Variants in TPD52 observed in about 807,000 individuals in gnomAD.
TPD52 encodes the protein tumor protein D52, also known as prostate and colon associated protein.
In TPD52, 17 loss-of-function variants were observed where a neutral mutation model predicts 31.3. That is an observed-to-expected ratio of 0.54 (90% CI 0.37 to 0.82). TPD52 has a LOEUF of 0.82. Among genes scored for constraint, TPD52 ranks in the 40% least tolerant of loss-of-function variants. TPD52 has a pLI of 0.00. For missense variants in TPD52, 212 were observed against 240.1 expected, an observed-to-expected ratio of 0.88 and a Z score of 0.77; for synonymous variants, 83 against 89.6, an observed-to-expected ratio of 0.93 and a Z score of 0.42.
chr8:80,081,156 CTTTTTTTTTTTTT>C (rs5892705), intron 1 of TPD52, among the ~76,000 whole-genome samples: 5 of 109,376 alleles, frequency 4.6e-5, no homozygotes, highest in South Asian at 6.0e-4. Flanking sequence ...TTTTCTCTCT[CTTTTTTTTTTTTT>C]TTTTTTTTTT....
chr8:80,085,028 A>G (rs1243991776), intron 1 of TPD52, among the ~76,000 whole-genome samples: 2 of 152,280 alleles, frequency 1.3e-5, no homozygotes, highest in African/African-American at 4.8e-5. Flanking sequence ...TGAATTTTAT[A>G]TGGAAAGGTA....
chr8:80,096,178 C>A (rs948105127), intron 1 of TPD52, among the ~76,000 whole-genome samples: 2 of 151,600 alleles, frequency 1.3e-5, no homozygotes, highest in Non-Finnish European at 1.5e-5. Flanking sequence ...ATTGTTTAAG[C>A]CCAGGTGGTC....
At chr8:80,165,163 T>C (rs1371823953) in intron 1 of TPD52, among the ~76,000 whole-genome samples, 1 of 152,136 alleles carries the variant, frequency 6.6e-6, no homozygotes. Context: ...AGACTTATAC[T>C]GAGAAACCAT....
At chr8:80,041,143 G>C (rs1297842349) in intron 7 of TPD52, among the ~76,000 whole-genome samples, 1 of 152,158 alleles carries the variant, frequency 6.6e-6, no homozygotes, top group Non-Finnish European at 1.5e-5. Flanking sequence ...CGCCTGTCAG[G>C]GGGTGGGATG....
chr8:80,137,264 TGTG>T (rs1357777406), intron 1 of TPD52, among the ~76,000 whole-genome samples: 4 of 152,206 alleles, frequency 2.6e-5, no homozygotes, highest in Non-Finnish European at 4.4e-5. Context: ...AAAATTAGAT[TGTG>T]GTGATCACTG....
chr8:80,076,416 C>G (rs1483508782), intron 1 of TPD52, among the ~76,000 whole-genome samples: 1 of 152,148 alleles, frequency 6.6e-6, no homozygotes, highest in Non-Finnish European at 1.5e-5. Flanking sequence ...GAAAACCAAA[C>G]AGGGCACCTT....
chr8:80,089,020 C>G (rs1396273735), intron 1 of TPD52, among the ~76,000 whole-genome samples: 1 of 152,138 alleles, frequency 6.6e-6, no homozygotes, highest in Non-Finnish European at 1.5e-5. Context: ...GGAAGCAAGC[C>G]CATGCCAGAA....
chr8:80,106,835 A>C (rs4740108), intron 1 of TPD52, among the ~76,000 whole-genome samples: 16 of 136,420 alleles, frequency 1.2e-4, no homozygotes, highest in Admixed American at 3.0e-4. Context: ...GCAAAAAAAA[A>C]CCCCAAAAAA....
chr8:80,154,748 CACACAA>C (rs1465008515), intron 1 of TPD52, among the ~76,000 whole-genome samples: 11 of 62,142 alleles, frequency 1.8e-4, no homozygotes, highest in African/African-American at 3.6e-4. Flanking sequence ...CACACACACA[CACACAA>C]AACACCTACA....
intron 1 of TPD52, among the ~76,000 whole-genome samples, chr8:80,153,544 A>G (rs1810728651): frequency 1.3e-5 from 2 of 152,266 alleles, no homozygotes; most frequent in Non-Finnish European, 1.5e-5. Context: ...CACTGGCATC[A>G]TAACATTCTA....
intron 1 of TPD52, among the ~76,000 whole-genome samples, chr8:80,154,739 ACACACACACAC>A (rs1563666347): frequency 3.0e-4 from 42 of 137,828 alleles, no homozygotes; most frequent in East Asian, 8.1e-4. Context: ...ACACACACAC[ACACACACACAC>A]ACAAAACACC....
At chr8:80,068,050 A>T (rs1173055795) in intron 1 of TPD52, among the ~76,000 whole-genome samples, 1 of 115,066 alleles carries the variant, frequency 8.7e-6, no homozygotes, top group Admixed American at 9.1e-5. Context: ...TTTGTTCATT[A>T]ATTTTAATGT....
intron 1 of TPD52, among the ~76,000 whole-genome samples, chr8:80,157,870 C>G (rs555415072): frequency 1.5e-4 from 23 of 152,158 alleles, no homozygotes; most frequent in Non-Finnish European, 2.6e-4. Context: ...GAAGGTCAAA[C>G]TCTACGATAT....
At chr8:80,131,410 T>C (rs887152545) in intron 1 of TPD52, among the ~76,000 whole-genome samples, 8 of 152,212 alleles carry the variant, frequency 5.3e-5, no homozygotes, top group Admixed American at 5.2e-4. Flanking sequence ...TAATTGGTAC[T>C]CAGAGGAATA....
intron 1 of TPD52, among the ~76,000 whole-genome samples, chr8:80,103,459 C>G (rs1806889551): frequency 6.6e-6 from 1 of 152,218 alleles, no homozygotes; most frequent in Admixed American, 6.5e-5. Flanking sequence ...CTGATGCTAC[C>G]CCATTCACAA....
chr8:80,136,183 A>AAAAAAAAAAAAAC (rs1464418655), intron 1 of TPD52, among the ~76,000 whole-genome samples: 11 of 149,744 alleles, frequency 7.3e-5, no homozygotes, highest in East Asian at 3.9e-4. Context: ...TTGAGGTTAA[A>AAAAAAAAAAAAAC]AAAAAAACAA....
At chr8:80,117,945 G>A (rs756207782) in intron 1 of TPD52, among the ~76,000 whole-genome samples, 16 of 151,898 alleles carry the variant, frequency 1.1e-4, no homozygotes, top group African/African-American at 3.6e-4. Context: ...TGTTAGCCAG[G>A]ATGGTCTCGA....
chr8:80,156,732 G>A (rs1810997843), intron 1 of TPD52, among the ~76,000 whole-genome samples: 1 of 152,208 alleles, frequency 6.6e-6, no homozygotes, highest in South Asian at 2.1e-4. Context: ...ATTAAGAAAT[G>A]CAGTGCTGGA....
chr8:80,123,632 G>T (rs577998344), intron 1 of TPD52, among the ~76,000 whole-genome samples: 19 of 152,338 alleles, frequency 1.2e-4, no homozygotes, highest in African/African-American at 3.8e-4. Flanking sequence ...TGCTGCGTGG[G>T]CAGTTGGAAA....
Sources: allele counts gnomAD v4.1 joint callset (sites outside exome capture counted in the v4.1 genomes callset), GRCh38; gene constraint gnomAD v4.1.1; transcripts MANE v1.5; gene names NCBI Gene and HGNC (gene_info 2026-07-23, HGNC 2026-07-21).